The following TPO variants were observed in gnomAD, a reference collection of about 807,000 sequenced individuals.
TPO encodes thyroid peroxidase, also known as thyroid microsomal antigen.
TPO carries 78 observed loss-of-function variants against 96.9 expected under a neutral mutation model. The ratio of observed to expected loss-of-function variants is 0.81; its 90% CI spans 0.67 to 0.97. The LOEUF (loss-of-function observed/expected upper bound fraction) is 0.97, where lower values mean the gene tolerates loss of function less well. TPO is among the 50% of genes least tolerant of loss of function. The pLI, the probability that TPO is intolerant of heterozygous loss-of-function variation, is 0.00. For missense variants in TPO, 1,252 were observed against 1,274.8 expected (o/e 0.98, Z 0.27); for synonymous variants, 547 against 538.0 (o/e 1.02, Z -0.23).
intron 5 of TPO, among the ~76,000 whole-genome samples, chr2:1,447,720 T>C (rs57514251): frequency 0.31 from 47,607 of 152,058 alleles, 7,823 homozygotes; most frequent in Admixed American, 0.36. Flanking sequence ...GAGGGGTGTG[T>C]GTGTATGTAT....
intron 15 of TPO, among the ~76,000 whole-genome samples, chr2:1,537,540 A>AGTGTGCAACCCCCCAAATCCCCCATCT (rs1553342090): frequency 4.5e-5 from 1 of 22,126 alleles, no homozygotes; most frequent in African/African-American, 2.4e-4. Flanking sequence ...TATCCCCCCC[A>AGTGTGCAACCCCCCAAATCCCCCATCT]GTGTGCAACC....
intron 7 of TPO, 116 bp downstream of exon 7, chr2:1,456,398 G>A (rs568919399): frequency 2.6e-6 from 3 of 1,140,940 alleles, no homozygotes; most frequent in Admixed American, 2.0e-5. Flanking sequence ...ATTCCCAGGG[G>A]TAGCAGTTGT....
chr2:1,496,565 A>T (rs1442234372), intron 12 of TPO, 30 bp from the exon 13 acceptor site: 1 of 1,612,948 alleles, frequency 6.2e-7, no homozygotes, highest in Non-Finnish European at 8.5e-7. Flanking sequence ...TCGTAGTTTG[A>T]CTACATGTCA....
intron 8 of TPO, among the ~76,000 whole-genome samples, chr2:1,479,760 C>T (rs878919419): frequency 6.7e-6 from 1 of 148,982 alleles, no homozygotes; most frequent in Non-Finnish European, 1.5e-5. Flanking sequence ...CCTCCTCGTC[C>T]TCCTCCTCCT....
chr2:1,466,138 A>T (rs1043226049), intron 7 of TPO, among the ~76,000 whole-genome samples: 2 of 152,186 alleles, frequency 1.3e-5, no homozygotes, highest in African/African-American at 4.8e-5. Context: ...TTATGCATCT[A>T]TCGAGACGAT....
intron 15 of TPO, among the ~76,000 whole-genome samples, chr2:1,517,521 C>G (rs1344944401): frequency 1.3e-5 from 2 of 152,004 alleles, no homozygotes; most frequent in African/African-American, 4.8e-5. Context: ...GGCAGCTGGT[C>G]CATGTCCCTA....
chr2:1,404,896 G>A (rs573742775), intron 1 of TPO, among the ~76,000 whole-genome samples: 5 of 152,138 alleles, frequency 3.3e-5, no homozygotes, highest in African/African-American at 1.2e-4. Context: ...TAATTTTATA[G>A]CGCTGGTTAT....
At chr2:1,459,072 C>A (rs950178213) in intron 7 of TPO, among the ~76,000 whole-genome samples, 1 of 151,996 alleles carries the variant, frequency 6.6e-6, no homozygotes, top group African/African-American at 2.4e-5. Context: ...TTCACTCTTA[C>A]CAGAAAAGAA....
At chr2:1,383,963 G>A (rs1221217807) in intron 1 of TPO, among the ~76,000 whole-genome samples, 1 of 152,114 alleles carries the variant, frequency 6.6e-6, no homozygotes, top group East Asian at 1.9e-4. Flanking sequence ...AGCACCGTTT[G>A]TTAAATAGGG....
chr2:1,388,151 G>C (rs1035991114), intron 1 of TPO, among the ~76,000 whole-genome samples: 4 of 152,212 alleles, frequency 2.6e-5, no homozygotes, highest in African/African-American at 9.6e-5. Flanking sequence ...AGGCTACTTG[G>C]GGGTTAGGGA....
At chr2:1,467,802 A>G (rs1669039955) in intron 7 of TPO, among the ~76,000 whole-genome samples, 1 of 151,370 alleles carries the variant, frequency 6.6e-6, no homozygotes, top group Non-Finnish European at 1.5e-5. Flanking sequence ...GTCCCCCACT[A>G]TTACTGTGTT....
At position 1,506,061 on chromosome 2, in the gene TPO, G is replaced by C. The variant is rs553680657; in HGVS notation, c.2518+1982G>C. ...CTCCCCCAACCCCACAACAGGCCCT[G>C]GTGTGTGATGTTCCCCTTCCTGTGT... On this transcript the variant is annotated intron_variant, in intron 14 of 16. Coordinates refer to ENST00000329066, the MANE Select transcript of TPO (RefSeq NM_001206744.2). 6.4e-3 allele frequency among the ~76,000 whole-genome samples: 975 copies of C among 151,198 alleles called. 8 individuals carry two copies. Among genetic ancestry groups the C allele is most frequent in the African/African-American group, 0.023 (935 of 41,184 alleles).
In TPO at chr2:1,477,118, C is replaced by T. The variant is rs756570612; in HGVS notation, c.852C>T (p.Thr284=). 3.7e-6 allele frequency: 6 copies of T among 1,608,282 alleles called. No individual in the cohort carries two copies. The highest frequency in any genetic ancestry group is 3.3e-5 in the South Asian group (3 of 90,690). The change falls in exon 8 of 17, where the codon ACC becomes ACT. Residue 284 remains threonine, a synonymous_variant. Coordinates refer to ENST00000329066, the MANE Select transcript of TPO (RefSeq NM_001206744.2). ...AGGAGGCCCGGCCGGCCGCGGGCAC[C>T]GCCTGTCTGCCCTTCTACCGCTCTT... is the stretch of plus-strand genomic sequence containing the variant. The part of the protein sequence containing the change: ...LPEEARPAAG[T]ACLPFYRSSA...
At chr2:1,528,265 C>T (rs1446590753) in intron 15 of TPO, among the ~76,000 whole-genome samples, 5 of 122,430 alleles carry the variant, frequency 4.1e-5, no homozygotes, top group African/African-American at 1.6e-4. Flanking sequence ...AGGCAACCCC[C>T]CAAATCTCCC....
At chr2:1,414,593 T>TA in intron 2 of TPO, 91 bp downstream of exon 2, 1 of 1,199,674 alleles carries the variant, frequency 8.3e-7, no homozygotes, top group East Asian at 2.5e-5. Flanking sequence ...CTCCTGAGAG[T>TA]CACTTTAGGC....
At chr2:1,421,847 T>C (rs1286249115) in intron 2 of TPO, among the ~76,000 whole-genome samples, 1 of 152,152 alleles carries the variant, frequency 6.6e-6, no homozygotes, top group East Asian at 1.9e-4. Context: ...CTTGGTGGCA[T>C]CGTCCCACAT....
intron 7 of TPO, 119 bp from the exon 8 acceptor site, chr2:1,476,967 G>C: frequency 7.7e-7 from 1 of 1,295,438 alleles, no homozygotes. Flanking sequence ...CCCCTACAGA[G>C]GACTGGAGGG....
At chr2:1,528,260 ACCC>A (rs1463653665) in intron 15 of TPO, among the ~76,000 whole-genome samples, 1 of 39,940 alleles carries the variant, frequency 2.5e-5, no homozygotes, top group African/African-American at 1.1e-4. Flanking sequence ...AATGTAGGCA[ACCC>A]CCCAAATCTC....
At chr2:1,465,794 T>C (rs2148633789) in intron 7 of TPO, among the ~76,000 whole-genome samples, 1 of 152,334 alleles carries the variant, frequency 6.6e-6, no homozygotes, top group African/African-American at 2.4e-5. Context: ...AGGAGCTTTC[T>C]GGAGGAGTCT....
Sources: gnomAD v4.1 joint callset for allele counts (sites outside exome capture counted in the v4.1 genomes callset) on GRCh38, gnomAD v4.1.1 for gene constraint, MANE v1.5 for transcripts, NCBI Gene and HGNC (gene_info 2026-07-23, HGNC 2026-07-21) for gene names.